The following SLC1A3 variants were observed in gnomAD, a reference collection of about 807,000 sequenced individuals.
SLC1A3 encodes the protein excitatory amino acid transporter 1.
Under a neutral mutation model 48.1 loss-of-function variants are expected in SLC1A3, and 21 were observed. The observed-to-expected ratio is 0.44, with a 90% confidence interval of 0.31 to 0.63. The LOEUF is 0.63. Ranked by LOEUF, SLC1A3 falls within the 20% of genes least tolerant of loss-of-function variation. The pLI, the probability that SLC1A3 is intolerant of heterozygous loss-of-function variation, is 0.08. For synonymous variants in SLC1A3, 239 were observed against 251.4 expected (o/e 0.95, Z 0.47); for missense variants, 546 against 689.0 (o/e 0.79, Z 2.32).
intron 2 of SLC1A3, among the ~76,000 whole-genome samples, chr5:36,616,665 G>A (rs1739448991): frequency 1.3e-5 from 2 of 152,178 alleles, no homozygotes; most frequent in Admixed American, 6.5e-5. Flanking sequence ...TATCCCTAAT[G>A]AGAGTAGGGA....
At chr5:36,652,160 T>G (rs1288005969) in intron 3 of SLC1A3, among the ~76,000 whole-genome samples, 1 of 152,232 alleles carries the variant, frequency 6.6e-6, no homozygotes, top group Non-Finnish European at 1.5e-5. Flanking sequence ...CATGCAATTC[T>G]GCCGTAGGAC....
Position 36,623,737 on chromosome 5 carries a change from GC to G in SLC1A3, c.182-5711del, listed in dbSNP as rs573151723. Among the ~76,000 whole-genome samples the G allele has an allele frequency of 2.5e-3, 383 of 151,824 alleles. 1 individual carries two copies. The highest frequency in any genetic ancestry group is 4.8e-3 in the Non-Finnish European group (323 of 67,934). ...AAATTAGCCATGCATGGTGGCGCATGCCTGTAATCCCAGCTACTTGTGAGGC... is the reference window on the plus strand; with the variant it reads ...AAATTAGCCATGCATGGTGGCGCATGCTGTAATCCCAGCTACTTGTGAGGC... On this transcript the variant is annotated intron_variant, in intron 2 of 9. Coordinates refer to ENST00000265113, the MANE Select transcript of SLC1A3 (RefSeq NM_004172.5).
At chr5:36,665,618 G>A (rs920245619) in intron 3 of SLC1A3, among the ~76,000 whole-genome samples, 8 of 152,180 alleles carry the variant, frequency 5.3e-5, no homozygotes, top group African/African-American at 9.7e-5. Context: ...TGCTTACCAC[G>A]TGCTGAACAC....
chr5:36,680,704 G>A (rs1260440760), intron 8 of SLC1A3, 115 bp downstream of exon 8: 4 of 846,406 alleles, frequency 4.7e-6, no homozygotes, highest in Non-Finnish European at 6.0e-6. Flanking sequence ...GATCTCCTGA[G>A]GCCAGGAGTT....
chr5:36,624,456 A>G (rs901431221), intron 2 of SLC1A3, among the ~76,000 whole-genome samples: 1 of 152,152 alleles, frequency 6.6e-6, no homozygotes, highest in Non-Finnish European at 1.5e-5. Context: ...CTTTAAGCCT[A>G]CTGTGGCGCC....
At position 36,687,080 on chromosome 5, in the gene SLC1A3, G is replaced by C. The variant is rs1398820274; in HGVS notation, c.*811G>C. 1 of 152,386 alleles carries C rather than the reference G, an allele frequency of 6.6e-6. No homozygotes were observed. Among genetic ancestry groups the C allele is most frequent in the Non-Finnish European group, 1.5e-5 (1 of 68,154 alleles). The allele number at this position is 152,386 out of a possible 1,614,324, so 9.4% of individuals were successfully genotyped here. Reference sequence around the variant, plus strand: ...GGATGGCTGTGTGTGGTGGTCACCAGGTCCTGTGAGCAAAGTGCAGGTTAT... The same window carrying C: ...GGATGGCTGTGTGTGGTGGTCACCACGTCCTGTGAGCAAAGTGCAGGTTAT... On this transcript the variant is annotated 3_prime_UTR_variant, in exon 10 of 10. Coordinates refer to ENST00000265113, the MANE Select transcript of SLC1A3 (RefSeq NM_004172.5).
intron 3 of SLC1A3, among the ~76,000 whole-genome samples, chr5:36,651,139 TTTAAAAAAAAAAAA>T (rs1158345874): frequency 2.9e-5 from 2 of 68,360 alleles, no homozygotes; most frequent in African/African-American, 1.0e-4. Context: ...CTAAGTTTTT[TTTAAAAAAAAAAAA>T]AAAAAAAAAA....
At chr5:36,601,763 T>C (rs149112100), upstream of SLC1A3, among the ~76,000 whole-genome samples, 1,463 of 150,534 alleles carry the variant, frequency 9.7e-3, 20 homozygotes, top group Middle Eastern at 0.021. Context: ...TTATTTTACA[T>C]TGTAATGATT....
chr5:36,616,610 T>C (rs978137300), intron 2 of SLC1A3, among the ~76,000 whole-genome samples: 1 of 152,210 alleles, frequency 6.6e-6, no homozygotes, highest in Admixed American at 6.5e-5. Context: ...AGCCGGCTGT[T>C]AGCGAGAGAC....
intron 2 of SLC1A3, among the ~76,000 whole-genome samples, chr5:36,624,664 T>C (rs1739831183): frequency 6.6e-6 from 1 of 152,254 alleles, no homozygotes; most frequent in Admixed American, 6.5e-5. Context: ...TTGACACACG[T>C]CTTCATTAAA....
At chr5:36,614,847 G>A (rs531068473) in intron 2 of SLC1A3, among the ~76,000 whole-genome samples, 1 of 152,212 alleles carries the variant, frequency 6.6e-6, no homozygotes, top group Admixed American at 6.5e-5. Flanking sequence ...AGTTGGGAAA[G>A]GTTGTTTTGA....
chr5:36,610,675 CT>C (rs1231437058), intron 2 of SLC1A3, among the ~76,000 whole-genome samples: 2 of 152,086 alleles, frequency 1.3e-5, no homozygotes, highest in African/African-American at 4.8e-5. Context: ...ATTTAAAAGT[CT>C]GTTTTTCTCT....
chr5:36,667,477 G>C (rs10491374), intron 3 of SLC1A3, among the ~76,000 whole-genome samples: 58,989 of 152,026 alleles, frequency 0.39, 14,066 homozygotes, highest in Non-Finnish European at 0.51. Context: ...TAAAAAGAGA[G>C]GTATAGCAGT....
rs1176214248 is a variant in SLC1A3 at position 36,599,508 on chromosome 5, C to CTTTTTTTTTTTTTTT, written c.-96+2835_-96+2849dup. Among the ~76,000 whole-genome samples, 14 of 78,280 alleles carry CTTTTTTTTTTTTTTT rather than the reference C, an allele frequency of 1.8e-4. 2 individuals carry two copies. Among genetic ancestry groups the CTTTTTTTTTTTTTTT allele is most frequent in the East Asian group, 4.8e-4 (1 of 2,062 alleles). 51.4% of individuals were successfully genotyped at this position (78,280 alleles called of 152,430 possible). ...CCTACACATCGTAGCTACGGTTGAA[C>CTTTTTTTTTTTTTTT]TTTTTTTTTTTTTTTTTTTGAGACG... is the stretch of plus-strand genomic sequence containing the variant. On this transcript the variant is annotated intron_variant, in intron 1 of 9. Coordinates refer to the SLC1A3 transcript ENST00000680318.
At chr5:36,679,293 G>A (rs1250940077) in intron 6 of SLC1A3, among the ~76,000 whole-genome samples, 1 of 152,132 alleles carries the variant, frequency 6.6e-6, no homozygotes, top group African/African-American at 2.4e-5. Context: ...TGAAAGGAGG[G>A]CTGGCTAGGA....
Position 36,615,666 on chromosome 5 carries a change from T to C in SLC1A3, c.181+7062T>C, listed in dbSNP as rs573482314. Among the ~76,000 whole-genome samples the C allele has an allele frequency of 3.9e-5, 6 of 152,342 alleles. No individual in the cohort carries two copies. The South Asian group carries it at 1.2e-3, about 32-fold the overall frequency. ...GAAAACCACAGGCTTTTGTTTTTGC[T>C]ATGGAATAAATAAGATTGTGAAGAG... On this transcript the variant is annotated intron_variant, in intron 2 of 9. Transcript: ENST00000265113.
intron 1 of SLC1A3, among the ~76,000 whole-genome samples, chr5:36,598,496 C>A (rs1738768945): frequency 6.6e-6 from 1 of 152,018 alleles, no homozygotes; most frequent in Admixed American, 6.6e-5. Flanking sequence ...ATTCATGAGC[C>A]CTACCAATTC....
At chr5:36,657,458 G>A (rs1741325924) in intron 3 of SLC1A3, among the ~76,000 whole-genome samples, 1 of 152,108 alleles carries the variant, frequency 6.6e-6, no homozygotes, top group Non-Finnish European at 1.5e-5. Flanking sequence ...AAGGCTCCAT[G>A]TCAACCTGCA....
chr5:36,608,445 G>C lies in SLC1A3; in HGVS notation c.22G>C (p.Glu8Gln), dbSNP rs757310275. The C allele has an allele frequency of 6.2e-7, 1 of 1,614,036 alleles. No individual in the cohort carries two copies. Among genetic ancestry groups the C allele is most frequent in the Admixed American group, 1.7e-5 (1 of 60,018 alleles). Residue 8 changes from glutamate (E) to glutamine (Q), a missense_variant, in exon 2 of 10, where the codon GAG becomes CAG. Around this residue, in one of 3 missense-constraint regions of SLC1A3, gnomAD observed 348 missense variants for 392.0 expected, o/e 0.89. Coordinates refer to ENST00000265113, the MANE Select transcript of SLC1A3 (RefSeq NM_004172.5). Reference sequence around the variant, plus strand: ...AAATATGACTAAAAGCAATGGAGAAGAGCCCAAGATGGGGGGCAGGATGGA... The same window carrying C: ...AAATATGACTAAAAGCAATGGAGAACAGCCCAAGATGGGGGGCAGGATGGA... MTKSNGE[E>Q]PKMGGRMERF...
Sources: gnomAD v4.1 joint callset for allele counts (sites outside exome capture counted in the v4.1 genomes callset) on GRCh38, gnomAD v4.1.1 for gene constraint, gnomAD v4.1.1 regional missense constraint, MANE v1.5 for transcripts, NCBI Gene and HGNC (gene_info 2026-07-23, HGNC 2026-07-21) for gene names.